R3HDM2: variants seen among roughly 807,000 people sequenced by gnomAD.
The protein encoded by R3HDM2 is R3H domain-containing protein 2.
R3HDM2 carries 38 observed loss-of-function variants against 124.5 expected under a neutral mutation model. That is an observed-to-expected ratio of 0.31 (90% confidence interval 0.24 to 0.40). The LOEUF is 0.40. Among genes scored for constraint, R3HDM2 ranks in the 10% least tolerant of loss-of-function variants. R3HDM2 has a pLI of 1.00. For synonymous variants in R3HDM2, 391 were observed against 448.0 expected, an observed-to-expected ratio of 0.87 and a Z score of 1.61; for missense variants, 869 against 1,236.9, an observed-to-expected ratio of 0.70 and a Z score of 4.46.
At chr12:57,421,965 G>A (rs1220718072) in intron 1 of R3HDM2, among the ~76,000 whole-genome samples, 7 of 151,824 alleles carry the variant, frequency 4.6e-5, no homozygotes, top group African/African-American at 1.5e-4. Flanking sequence ...GTGTGGTGGC[G>A]TGCACCTGTA....
At chr12:57,421,429 C>T (rs1332469077) in intron 1 of R3HDM2, among the ~76,000 whole-genome samples, 2 of 143,002 alleles carry the variant, frequency 1.4e-5, no homozygotes, top group African/African-American at 2.6e-5. Context: ...GGATTACAGG[C>T]GTAAGCGACC....
At chr12:57,339,231 A>T (rs899691900) in intron 2 of R3HDM2, among the ~76,000 whole-genome samples, 1 of 151,820 alleles carries the variant, frequency 6.6e-6, no homozygotes, top group African/African-American at 2.4e-5. Flanking sequence ...TCCTGACCTC[A>T]AGTGATCCAT....
rs1434564803 is a variant in R3HDM2 at position 57,254,841 on chromosome 12, G to A, written c.2905C>T (p.Arg969Cys). ...ASLRLNNSVSRFKLRMAKKNY... is the reference protein window; with the variant it reads ...ASLRLNNSVSCFKLRMAKKNY... The stretch of plus-strand genomic sequence containing the variant: ...TTTTTGGCCATTCGAAGTTTGAAGC[G>A]ACTCACGGAGTTGTTGAGACGAAGG... The change falls in exon 24 of 24, where the codon CGC becomes TGC. Residue 969 changes from arginine (R) to cysteine (C), a missense_variant. Transcript: ENST00000402412. The A allele has an allele frequency of 3.1e-6, 5 of 1,612,676 alleles. No homozygotes were observed. Among genetic ancestry groups the A allele is most frequent in the East Asian group, 2.2e-5 (1 of 44,866 alleles).
intron 11 of R3HDM2, among the ~76,000 whole-genome samples, chr12:57,289,459 T>C (rs2048128936): frequency 6.6e-6 from 1 of 152,194 alleles, no homozygotes; most frequent in Non-Finnish European, 1.5e-5. Context: ...TTTTTGGAAA[T>C]CATCCTCAAT....
At chr12:57,276,189 G>A (rs12371805) in intron 14 of R3HDM2, among the ~76,000 whole-genome samples, 42,079 of 145,536 alleles carry the variant, frequency 0.29, 6,609 homozygotes, top group Middle Eastern at 0.61. Context: ...CAGCCTGGGC[G>A]ACAGAGTGAG....
At chr12:57,395,060 A>G (rs2067284396) in intron 2 of R3HDM2, among the ~76,000 whole-genome samples, 1 of 151,944 alleles carries the variant, frequency 6.6e-6, no homozygotes, top group African/African-American at 2.4e-5. Flanking sequence ...TACAAAAAAA[A>G]TTAGCTGGGC....
At chr12:57,327,306 A>G (rs190291032) in intron 2 of R3HDM2, among the ~76,000 whole-genome samples, 95 of 152,150 alleles carry the variant, frequency 6.2e-4, no homozygotes, top group Non-Finnish European at 1.1e-3. Context: ...ATCTCTACTA[A>G]AAATATAAAA....
chr12:57,424,901 A>C (rs1566531536), intron 1 of R3HDM2, among the ~76,000 whole-genome samples: 1 of 152,214 alleles, frequency 6.6e-6, no homozygotes, highest in Non-Finnish European at 1.5e-5. Context: ...TGCACGTAAA[A>C]CAAAGTTTTG....
At chr12:57,255,613 C>T (rs1413371894) in intron 23 of R3HDM2, among the ~76,000 whole-genome samples, 1 of 152,150 alleles carries the variant, frequency 6.6e-6, no homozygotes, top group East Asian at 1.9e-4. Context: ...TCTTGTTCAC[C>T]TAGTGGGAGG....
At chr12:57,327,324 A>C (rs1275009060) in intron 2 of R3HDM2, among the ~76,000 whole-genome samples, 1 of 152,030 alleles carries the variant, frequency 6.6e-6, no homozygotes, top group Non-Finnish European at 1.5e-5. Flanking sequence ...AAAATTAGCC[A>C]GGCATGGTGG....
chr12:57,410,564 G>A (rs548500602), intron 1 of R3HDM2, among the ~76,000 whole-genome samples: 33 of 152,256 alleles, frequency 2.2e-4, no homozygotes, highest in African/African-American at 7.7e-4. Context: ...TAAGAAGTAT[G>A]TTTAGTGGCC....
At chr12:57,380,768 TA>T (rs1261650039) in intron 2 of R3HDM2, among the ~76,000 whole-genome samples, 4 of 150,566 alleles carry the variant, frequency 2.7e-5, no homozygotes, top group Admixed American at 6.6e-5. Flanking sequence ...AAAGCTTTCT[TA>T]AAAAAAAAGA....
At chr12:57,301,519 A>G (rs1047999493) in intron 4 of R3HDM2, among the ~76,000 whole-genome samples, 1 of 152,354 alleles carries the variant, frequency 6.6e-6, no homozygotes. Flanking sequence ...AAGCCACTCA[A>G]TCCCTATAGC....
intron 1 of R3HDM2, among the ~76,000 whole-genome samples, chr12:57,399,727 GAA>G (rs1005847513): frequency 2.0e-5 from 3 of 152,156 alleles, no homozygotes; most frequent in Non-Finnish European, 2.9e-5. Flanking sequence ...GCTGTAATCT[GAA>G]AAACAGCCAC....
intron 1 of R3HDM2, among the ~76,000 whole-genome samples, chr12:57,427,753 A>C (rs911155381): frequency 3.0e-4 from 45 of 151,080 alleles, no homozygotes; most frequent in African/African-American, 9.0e-4. Flanking sequence ...AGTTATGTAA[A>C]TGTGTATGCA....
intron 1 of R3HDM2, 179 bp downstream of exon 1, chr12:57,430,541 C>A: frequency 1.0e-6 from 1 of 985,022 alleles, no homozygotes. Flanking sequence ...TCCAGCAGCG[C>A]ACACTTGGAG....
intron 1 of R3HDM2, among the ~76,000 whole-genome samples, chr12:57,396,448 T>A (rs1416246337): frequency 6.3e-5 from 9 of 141,798 alleles, no homozygotes; most frequent in South Asian, 4.5e-4. Context: ...CTCAAAAAAA[T>A]AAATAAATAA....
chr12:57,411,557 G>A (rs1274647721), intron 1 of R3HDM2, among the ~76,000 whole-genome samples: 25 of 152,210 alleles, frequency 1.6e-4, no homozygotes. Flanking sequence ...GGAATATGCA[G>A]ATACATTTAA....
chr12:57,343,805 CTGAG>C (rs1284578940), intron 2 of R3HDM2, among the ~76,000 whole-genome samples: 2 of 147,764 alleles, frequency 1.4e-5, no homozygotes, highest in Non-Finnish European at 3.0e-5. Context: ...GGCTTTTACT[CTGAG>C]TGAGATGAGA....
Sources: gnomAD v4.1 joint callset for allele counts (sites outside exome capture counted in the v4.1 genomes callset) on GRCh38, gnomAD v4.1.1 for gene constraint, MANE v1.5 for transcripts, NCBI Gene and HGNC (gene_info 2026-07-23, HGNC 2026-07-21) for gene names.